The following BCKDHB variants were observed in gnomAD, a reference collection of about 807,000 sequenced individuals.
BCKDHB encodes branched chain keto acid dehydrogenase E1 subunit beta, also known as 2-oxoisovalerate dehydrogenase subunit beta, mitochondrial.
BCKDHB carries 41 observed loss-of-function variants against 48.5 expected under a neutral mutation model. The ratio of observed to expected loss-of-function variants is 0.85; its 90% CI spans 0.66 to 1.10. BCKDHB has a LOEUF of 1.10. BCKDHB is among the 50% of genes least tolerant of loss of function. The pLI, the probability that BCKDHB is intolerant of heterozygous loss-of-function variation, is 0.00. For synonymous variants in BCKDHB, 201 were observed against 174.8 expected (o/e 1.15, Z -1.18); for missense variants, 496 against 494.2 (o/e 1.00, Z -0.03).
intron 3 of BCKDHB, among the ~76,000 whole-genome samples, chr6:80,155,531 AG>A (rs1261236216): frequency 1.3e-5 from 2 of 152,162 alleles, no homozygotes; most frequent in Admixed American, 6.5e-5. Context: ...CTATGGGGTT[AG>A]TGGGAAGGTT....
chr6:80,199,515 C>T (rs937773964), intron 6 of BCKDHB, among the ~76,000 whole-genome samples: 5 of 152,018 alleles, frequency 3.3e-5, no homozygotes, highest in Non-Finnish European at 2.9e-5. Flanking sequence ...CGATGGCTCA[C>T]GCCTGTAATC....
intron 4 of BCKDHB, among the ~76,000 whole-genome samples, chr6:80,168,648 G>A (rs1197060529): frequency 6.9e-6 from 1 of 145,096 alleles, no homozygotes; most frequent in Non-Finnish European, 1.5e-5. Flanking sequence ...ACGAGACCCT[G>A]TCTTAAGAAA....
intron 7 of BCKDHB, 81 bp from the exon 8 acceptor site, chr6:80,203,021 A>T: frequency 1.1e-6 from 1 of 918,862 alleles, no homozygotes; most frequent in Non-Finnish European, 1.8e-6. Flanking sequence ...TACTGTCTCT[A>T]ATAGTGACAT....
At chr6:80,195,740 C>T (rs1212782249) in intron 6 of BCKDHB, among the ~76,000 whole-genome samples, 1 of 152,056 alleles carries the variant, frequency 6.6e-6, no homozygotes, top group Non-Finnish European at 1.5e-5. Flanking sequence ...TGACCAAACT[C>T]ATTAGATACA....
At chr6:80,412,947 A>G in the BCKDHB span, among the ~76,000 whole-genome samples, 1 of 152,016 alleles carries the variant, frequency 6.6e-6, no homozygotes, top group African/African-American at 2.4e-5. Context: ...TCTGTTTTTG[A>G]TTTTTGACAG....
At position 80,343,972 on chromosome 6, in the gene BCKDHB, T is replaced by G. The variant is rs1770053787; in HGVS notation, c.*168T>G. 1 of 828,048 alleles carries G rather than the reference T, an allele frequency of 1.2e-6. No homozygotes were observed. Among genetic ancestry groups the G allele is most frequent in the African/African-American group, 1.8e-5 (1 of 56,642 alleles). The allele number at this position is 828,048 out of a possible 1,614,324, so 51.3% of individuals were successfully genotyped here. A position where few individuals can be genotyped will look rare whatever the true frequency, so the allele number is the denominator to read the frequency against. On this transcript the variant is annotated 3_prime_UTR_variant, in exon 10 of 10. Transcript: ENST00000320393. ...AAATAATGTGCTTTAGAAAAAAAAT[T>G]CAAATTTATAGTAGTATATTTACAT...
At chr6:80,327,007 C>T (rs185307510) in intron 9 of BCKDHB, among the ~76,000 whole-genome samples, 6 of 152,016 alleles carry the variant, frequency 3.9e-5, no homozygotes, top group Non-Finnish European at 8.8e-5. Flanking sequence ...TCTTTGTTAT[C>T]GTAAGATTCA....
the BCKDHB span, among the ~76,000 whole-genome samples, chr6:80,367,974 G>A: frequency 1.3e-5 from 2 of 152,156 alleles, no homozygotes; most frequent in East Asian, 3.8e-4. Context: ...CACTGAACTT[G>A]GAGCCCTTCT....
chr6:80,205,100 A>T (rs1774581142), intron 8 of BCKDHB, among the ~76,000 whole-genome samples: 1 of 152,032 alleles, frequency 6.6e-6, no homozygotes. Context: ...GTTGCTGATG[A>T]TGGTACCTCT....
At chr6:80,399,441 C>T in the BCKDHB span, among the ~76,000 whole-genome samples, 1 of 152,040 alleles carries the variant, frequency 6.6e-6, no homozygotes, top group African/African-American at 2.4e-5. Flanking sequence ...ACTAACATTT[C>T]TAAACAAACA....
chr6:80,367,142 C>A, the BCKDHB span, among the ~76,000 whole-genome samples: 6 of 152,204 alleles, frequency 3.9e-5, no homozygotes, highest in African/African-American at 1.4e-4. Context: ...ATTTGAGTTC[C>A]CTTGTTTGAA....
chr6:80,252,638 A>T (rs1351415299), intron 8 of BCKDHB, among the ~76,000 whole-genome samples: 2 of 152,186 alleles, frequency 1.3e-5, no homozygotes, highest in African/African-American at 4.8e-5. Context: ...GCCACCATCT[A>T]AGATGGTTAC....
At chr6:80,138,724 T>C (rs957184259) in intron 3 of BCKDHB, among the ~76,000 whole-genome samples, 11 of 152,226 alleles carry the variant, frequency 7.2e-5, no homozygotes, top group African/African-American at 2.7e-4. Flanking sequence ...TCCAAGTCTT[T>C]GCTATTGTGA....
intron 8 of BCKDHB, among the ~76,000 whole-genome samples, chr6:80,230,664 A>G (rs551532522): frequency 1.3e-5 from 2 of 152,312 alleles, no homozygotes; most frequent in South Asian, 2.1e-4. Context: ...TTTACAAAGC[A>G]TGAGATTTAT....
the BCKDHB span, among the ~76,000 whole-genome samples, chr6:80,357,391 C>A: frequency 6.6e-6 from 1 of 152,088 alleles, no homozygotes; most frequent in Non-Finnish European, 1.5e-5. Context: ...GTCTCTCCTC[C>A]GGCCTTCTGA....
At chr6:80,220,014 C>T (rs1467401219) in intron 8 of BCKDHB, among the ~76,000 whole-genome samples, 1 of 152,054 alleles carries the variant, frequency 6.6e-6, no homozygotes, top group Non-Finnish European at 1.5e-5. Context: ...TTTGACTCAT[C>T]TTGTTTTGCC....
chr6:80,220,600 G>A (rs1323026399), intron 8 of BCKDHB, among the ~76,000 whole-genome samples: 1 of 151,638 alleles, frequency 6.6e-6, no homozygotes, highest in African/African-American at 2.4e-5. Flanking sequence ...TCATCCTTAG[G>A]CAGAAGGGGT....
chr6:80,358,647 T>G, the BCKDHB span, among the ~76,000 whole-genome samples: 1 of 152,360 alleles, frequency 6.6e-6, no homozygotes, highest in Admixed American at 6.5e-5. Context: ...GTATGATTCC[T>G]TTCATATGAA....
chr6:80,291,354 T>C (rs79150229), intron 9 of BCKDHB, among the ~76,000 whole-genome samples: 2,332 of 152,294 alleles, frequency 0.015, 81 homozygotes, highest in African/African-American at 0.053. Context: ...TCAGAAATCA[T>C]CGGTATGTCA....
Sources: allele counts gnomAD v4.1 joint callset (sites outside exome capture counted in the v4.1 genomes callset), GRCh38; gene constraint gnomAD v4.1.1; transcripts MANE v1.5; gene names NCBI Gene and HGNC (gene_info 2026-07-23, HGNC 2026-07-21).